MGAT3: variants seen among roughly 807,000 people sequenced by gnomAD.
The protein encoded by MGAT3 is GlcNAc-T III.
In MGAT3, 9 loss-of-function variants were observed where a neutral mutation model predicts 29.8. The observed-to-expected ratio is 0.30, with a 90% CI of 0.18 to 0.53. The LOEUF is 0.53. MGAT3 is among the 20% of genes least tolerant of loss of function. The pLI, the probability that MGAT3 is intolerant of heterozygous loss-of-function variation, is 0.96. For synonymous variants in MGAT3, 397 were observed against 348.9 expected, an observed-to-expected ratio of 1.14 and a Z score of -1.54; for missense variants, 557 against 769.5, an observed-to-expected ratio of 0.72 and a Z score of 3.27.
chr22:39,474,898 G>C (rs1870047051), intron 1 of MGAT3, among the ~76,000 whole-genome samples: 1 of 152,128 alleles, frequency 6.6e-6, no homozygotes, highest in African/African-American at 2.4e-5. Flanking sequence ...TGCACCACTA[G>C]CCCCGGCTGG....
At chr22:39,466,495 C>T (rs1248382231) in intron 1 of MGAT3, among the ~76,000 whole-genome samples, 2 of 152,332 alleles carry the variant, frequency 1.3e-5, no homozygotes, top group South Asian at 4.1e-4. Flanking sequence ...CCCCGCGTCC[C>T]CCATGCTCCA....
Position 39,490,932 on chromosome 22 carries a change from G to A in MGAT3, c.*1983G>A, listed in dbSNP as rs1289348631. ...AGAAAGCAAAGCTAAAGGGGATGCA[G>A]GGTCTGTCTGTCTGTCTGTCTTTCA... On this transcript the variant is annotated 3_prime_UTR_variant, in exon 2 of 2. Coordinates refer to ENST00000341184, the MANE Select transcript of MGAT3 (RefSeq NM_002409.5). 1.2e-5 allele frequency: 2 copies of A among 167,128 alleles called. No individual in the cohort carries two copies. The highest frequency in any genetic ancestry group is 4.8e-5 in the African/African-American group (2 of 41,390). The allele number at this position is 167,128 out of a possible 1,614,324, so 10.4% of individuals were successfully genotyped here. A position where few individuals can be genotyped will look rare whatever the true frequency, so the allele number is the denominator to read the frequency against.
rs2145730154 is a variant in MGAT3, at chr22:39,490,269, C to T, written c.*1320C>T. On this transcript the variant is annotated 3_prime_UTR_variant, in exon 2 of 2. Transcript: ENST00000341184. ...AGCAGAAATAGACAAGAGGGCACACCCACTTTTTGCTAAAGGCATGAGCCA... is the reference window on the plus strand; with the variant it reads ...AGCAGAAATAGACAAGAGGGCACACTCACTTTTTGCTAAAGGCATGAGCCA... 4 of 167,196 alleles carry T rather than the reference C, an allele frequency of 2.4e-5. No homozygotes were observed. The Admixed American group carries it at 2.6e-4, about 11-fold the overall frequency. The allele number at this position is 167,196 out of a possible 1,614,324, so 10.4% of individuals were successfully genotyped here. A position where few individuals can be genotyped will look rare whatever the true frequency, so the allele number is the denominator to read the frequency against.
chr22:39,459,729 A>G (rs960151615), intron 1 of MGAT3, among the ~76,000 whole-genome samples: 4 of 152,230 alleles, frequency 2.6e-5, no homozygotes, highest in Non-Finnish European at 4.4e-5. Flanking sequence ...CTATGTCCCA[A>G]AGTGCTCGGA....
chr22:39,461,042 C>G (rs534074080), intron 1 of MGAT3, among the ~76,000 whole-genome samples: 1 of 152,074 alleles, frequency 6.6e-6, no homozygotes, highest in Non-Finnish European at 1.5e-5. Context: ...TTGCTCCAAC[C>G]GGGGGCAATA....
intron 1 of MGAT3, among the ~76,000 whole-genome samples, chr22:39,459,550 A>T (rs796271270): frequency 2.6e-5 from 4 of 151,808 alleles, no homozygotes; most frequent in African/African-American, 4.8e-5. Flanking sequence ...AGCAGCCCCA[A>T]CCTCCTGGGC....
chr22:39,469,268 C>T (rs1357191212), intron 1 of MGAT3, among the ~76,000 whole-genome samples: 1 of 152,044 alleles, frequency 6.6e-6, no homozygotes, highest in Non-Finnish European at 1.5e-5. Context: ...CCCTTGGTGC[C>T]AGGCTTGAGT....
chr22:39,476,769 C>T (rs1328167591), intron 1 of MGAT3: 2 of 152,222 alleles, frequency 1.3e-5, no homozygotes, highest in South Asian at 2.1e-4. Flanking sequence ...CCTCCATGTC[C>T]TCATCTGCAA....
intron 1 of MGAT3, among the ~76,000 whole-genome samples, chr22:39,479,302 G>A (rs966945520): frequency 3.9e-5 from 6 of 152,170 alleles, no homozygotes; most frequent in African/African-American, 1.4e-4. Flanking sequence ...CCACCCCACT[G>A]TACTCCAGCC....
Position 39,488,385 on chromosome 22 carries a change from G to A in MGAT3, c.1038G>A (p.Lys346=). The A allele has an allele frequency of 1.2e-6, 2 of 1,612,898 alleles. No individual in the cohort carries two copies. Among genetic ancestry groups the A allele is most frequent in the Non-Finnish European group, 1.7e-6 (2 of 1,180,020 alleles). ...WTEPFAFHMR[K]SLYGFFWKQP... ...AGCCCTTCGCCTTCCACATGCGCAAGTCGCTCTACGGCTTCTTCTGGAAGC... is the reference window on the plus strand; with the variant it reads ...AGCCCTTCGCCTTCCACATGCGCAAATCGCTCTACGGCTTCTTCTGGAAGC... Residue 346 remains lysine, a synonymous_variant, in exon 2 of 2, where the codon AAG becomes AAA. Coordinates refer to ENST00000341184, the MANE Select transcript of MGAT3 (RefSeq NM_002409.5).
At chr22:39,470,555 A>T (rs887575750) in intron 1 of MGAT3, among the ~76,000 whole-genome samples, 3 of 152,078 alleles carry the variant, frequency 2.0e-5, no homozygotes, top group African/African-American at 4.8e-5. Context: ...ATGTGGCCTG[A>T]TGGGGAATTT....
chr22:39,479,672 C>G (rs911131575), intron 1 of MGAT3, among the ~76,000 whole-genome samples: 1 of 152,240 alleles, frequency 6.6e-6, no homozygotes, highest in Non-Finnish European at 1.5e-5. Context: ...TCATTGAGTG[C>G]TTACTGTGTG....
At chr22:39,471,127 C>T (rs1327962365) in intron 1 of MGAT3, among the ~76,000 whole-genome samples, 1 of 152,228 alleles carries the variant, frequency 6.6e-6, no homozygotes, top group Admixed American at 6.5e-5. Context: ...GCCTGGGAGG[C>T]ACCACATCTC....
chr22:39,464,298 TG>T (rs1928576369), intron 1 of MGAT3, among the ~76,000 whole-genome samples: 1 of 151,964 alleles, frequency 6.6e-6, no homozygotes, highest in Admixed American at 6.6e-5. Flanking sequence ...TTGTGGTGGG[TG>T]AGTGATGGTG....
intron 1 of MGAT3, among the ~76,000 whole-genome samples, chr22:39,473,294 T>G (rs1156884641): frequency 6.6e-6 from 1 of 152,080 alleles, no homozygotes; most frequent in South Asian, 2.1e-4. Context: ...GGAGCTAGCA[T>G]ATGGCGAGGG....
chr22:39,484,365 T>TG (rs1929211533), intron 1 of MGAT3, among the ~76,000 whole-genome samples: 1 of 152,070 alleles, frequency 6.6e-6, no homozygotes, highest in Non-Finnish European at 1.5e-5. Context: ...CCTTGTTTTT[T>TG]TTTGTTTGTT....
chr22:39,460,900 G>A (rs2145707656), intron 1 of MGAT3, among the ~76,000 whole-genome samples: 1 of 152,198 alleles, frequency 6.6e-6, no homozygotes, highest in Admixed American at 6.5e-5. Context: ...CTTCCAGAAC[G>A]AGTCTCCCGA....
chr22:39,473,565 G>T (rs1016027863), intron 1 of MGAT3, among the ~76,000 whole-genome samples: 3 of 152,236 alleles, frequency 2.0e-5, no homozygotes, highest in Middle Eastern at 3.4e-3. Context: ...ACATGTGAAC[G>T]TTGGGGGACA....
At chr22:39,461,123 C>T (rs767468134) in intron 1 of MGAT3, among the ~76,000 whole-genome samples, 34 of 152,276 alleles carry the variant, frequency 2.2e-4, no homozygotes, top group Middle Eastern at 3.4e-3. Flanking sequence ...TGTAAATCCT[C>T]CCCATATGGC....
Sources: allele counts gnomAD v4.1 joint callset (sites outside exome capture counted in the v4.1 genomes callset), GRCh38; gene constraint gnomAD v4.1.1; transcripts MANE v1.5; gene names NCBI Gene and HGNC (gene_info 2026-07-23, HGNC 2026-07-21).